Variants in SMC1A observed in about 807,000 individuals in gnomAD.
SMC1A encodes structural maintenance of chromosomes protein 1A.
In SMC1A, 4 loss-of-function variants were observed where a neutral mutation model predicts 94.5. The observed-to-expected ratio is 0.04, with a 90% CI of 0.02 to 0.10. The LOEUF (loss-of-function observed/expected upper bound fraction) is 0.10. Ranked by LOEUF, SMC1A falls within the 10% of genes least tolerant of loss-of-function variation. The pLI, the probability that SMC1A is intolerant of heterozygous loss-of-function variation, is 1.00. For synonymous variants in SMC1A, 345 were observed against 347.7 expected, an observed-to-expected ratio of 0.99 and a Z score of 0.09; for missense variants, 304 against 989.0, an observed-to-expected ratio of 0.31 and a Z score of 9.29.
Position 53,382,593 on chromosome X carries a change from G to A in SMC1A, c.3198C>T (p.Arg1066=). 1.7e-6 allele frequency: 2 copies of A among 1,211,622 alleles called. No homozygotes were observed. The highest frequency in any genetic ancestry group is 1.8e-5 in the South Asian group (1 of 56,954). Residue 1066 remains arginine (R), a synonymous_variant, in exon 21 of 25, where the codon CGC becomes CGT. Transcript: ENST00000322213. ...CAAAACAAGCATTGAAGCGGTCAAA[G>A]CGCTCCTTCTTGATCTGTTCGAATG... ...KQAFEQIKKE[R]FDRFNACFES... is the part of the protein sequence containing the mutation.
In SMC1A at chrX:53,382,365, T is replaced by C. The variant is rs782713427; in HGVS notation, c.3304A>G (p.Asn1102Asp). ...CCATCCAAGTAGGGCTCTTCAGGGT[T>C]CTCAGGGCCCAGGAATGCCTAGGGG... ...SSAQAFLGPENPEEPYLDGIN... is the reference protein window; with the variant it reads ...SSAQAFLGPEDPEEPYLDGIN... The change falls in exon 22 of 25, where the codon AAC becomes GAC. Residue 1102 changes from asparagine to aspartate, a missense_variant. Asn to Asp is a conservative substitution (Grantham distance 23). Coordinates refer to ENST00000322213, the MANE Select transcript of SMC1A (RefSeq NM_006306.4). 1 of 1,208,522 alleles carries C rather than the reference T, an allele frequency of 8.3e-7. No homozygotes were observed. The highest frequency in any genetic ancestry group is 1.1e-6 in the Non-Finnish European group (1 of 893,863).
chrX:53,409,568 G>A (rs1353561074), intron 7 of SMC1A, 65 bp from the exon 8 acceptor site: 1 of 888,681 alleles, frequency 1.1e-6, no homozygotes, highest in Non-Finnish European at 1.7e-6. Context: ...GGGGGCTCTA[G>A]ATCACACCCT....
At position 53,378,398 on chromosome X, in the gene SMC1A, A is replaced by G; in HGVS notation, c.*1705T>C. 8.9e-6 allele frequency: 1 copy of G among 112,933 alleles called. No homozygotes were observed. Among genetic ancestry groups the G allele is most frequent in the Non-Finnish European group, 1.9e-5 (1 of 53,420 alleles). The allele number at this position is 112,933 out of a possible 1,213,427, so 9.3% of individuals were successfully genotyped here. On this transcript the variant is annotated 3_prime_UTR_variant, in exon 25 of 25. Transcript: ENST00000322213. Reference sequence around the variant, plus strand: ...GCAATTACAGAAGATGGATTGAGCTACATTAAGTAACATGCACAGATCTCA... The same window carrying G: ...GCAATTACAGAAGATGGATTGAGCTGCATTAAGTAACATGCACAGATCTCA...
Position 53,388,937 on chromosome X carries a change from C to T in SMC1A, c.2974-5684G>A, listed in dbSNP as rs781985841. On this transcript the variant is annotated intron_variant, in intron 19 of 24. Coordinates refer to ENST00000322213, the MANE Select transcript of SMC1A (RefSeq NM_006306.4). ...GCATGAACCTGGGGGGCGGAGGTTG[C>T]AGTGAGCCAAGATCGCGCCACTGCA... Among the ~76,000 whole-genome samples, 328 of 97,480 alleles carry T rather than the reference C, an allele frequency of 3.4e-3. 1 individual carries two copies. Among genetic ancestry groups the T allele is most frequent in the African/African-American group, 0.012 (314 of 25,796 alleles). The allele number at this position is 97,480 out of a possible 115,157, so 84.6% of individuals were successfully genotyped here. A position where few individuals can be genotyped will look rare whatever the true frequency, so the allele number is the denominator to read the frequency against.
intron 7 of SMC1A, among the ~76,000 whole-genome samples, chrX:53,410,027 T>C (rs2075705154): frequency 8.9e-6 from 1 of 112,123 alleles, no homozygotes; most frequent in African/African-American, 3.2e-5. Flanking sequence ...CTTTTAAATA[T>C]TTAAAAGTGC....
chrX:53,416,930 G>C (rs1204107370), intron 1 of SMC1A, among the ~76,000 whole-genome samples: 1 of 110,389 alleles, frequency 9.1e-6, no homozygotes, highest in Non-Finnish European at 1.9e-5. Context: ...TATTTAACCT[G>C]AATCTATTTT....
intron 3 of SMC1A, 151 bp from the exon 4 acceptor site, chrX:53,413,586 T>C (rs1753813015): frequency 1.8e-6 from 1 of 542,826 alleles, no homozygotes. Context: ...GACAAATTCC[T>C]TGCCCTCTGA....
chrX:53,404,258 C>T (rs1244917578), intron 13 of SMC1A, among the ~76,000 whole-genome samples: 1 of 110,525 alleles, frequency 9.0e-6, no homozygotes, highest in South Asian at 3.8e-4. Context: ...ACCTCTAGGG[C>T]GGTCTGGGGA....
rs1569355048 is a variant in SMC1A, at chrX:53,396,351, G to A, written c.2738C>T (p.Thr913Ile). 1 of 1,209,531 alleles carries A rather than the reference G, an allele frequency of 8.3e-7. No homozygotes were observed. Among genetic ancestry groups the A allele is most frequent in the African/African-American group, 1.8e-5 (1 of 57,049 alleles). The change falls in exon 18 of 25, where the codon ACA becomes ATA. Residue 913 changes from threonine (T) to isoleucine (I), a missense_variant. By Grantham distance (89) the Thr-to-Ile change is moderately conservative (BLOSUM62 -1). Around this residue, in one of 11 missense-constraint regions of SMC1A, gnomAD observed 35 missense variants for 95.4 expected, o/e 0.37. Transcript: ENST00000322213. ...CTGTTCAAGCTTGGTCTCAATGGCT[G>A]TCACCTCCTTCTGTAAATGGGTCAT... ...KEMTHLQKEVTAIETKLEQKR... is the reference protein window; with the variant it reads ...KEMTHLQKEVIAIETKLEQKR...
In SMC1A at chrX:53,413,047, T is replaced by C; in HGVS notation, c.707A>G (p.Glu236Gly). The C allele has an allele frequency of 2.5e-6, 3 of 1,211,865 alleles. No homozygotes were observed. The highest frequency in any genetic ancestry group is 3.4e-6 in the Non-Finnish European group (3 of 895,517). ...TGAGGCCAGTTCCTTGTTGAGCTTC[T>C]CAATTTCCACTTCATTATGGTAAAG... ...FKLYHNEVEI[E>G]KLNKELASKN... The change falls in exon 5 of 25, where the codon GAG (glutamate) becomes GGG (glycine). Residue 236 changes from glutamate (E) to glycine (G), a missense_variant. Coordinates refer to ENST00000322213, the MANE Select transcript of SMC1A (RefSeq NM_006306.4).
At chrX:53,411,967 C>T (rs782037800) in intron 6 of SMC1A, 28 bp downstream of exon 6, 1 of 1,211,200 alleles carries the variant, frequency 8.3e-7, no homozygotes. Flanking sequence ...CAGGGATCTC[C>T]TCCCTGCCAA....
intron 19 of SMC1A, among the ~76,000 whole-genome samples, chrX:53,386,944 T>C (rs782328928): frequency 6.2e-5 from 7 of 112,182 alleles, no homozygotes; most frequent in Admixed American, 1.9e-4. Context: ...AAAAAGAATC[T>C]CAGAAAATCT....
rs1287375497 is a variant in SMC1A, at chrX:53,413,236, T to A, written c.611A>T (p.Glu204Val). ...AERKEAKQEK[E>V]EADRYQRLKD... is the part of the protein sequence containing the mutation. ...AGAGGTAGCTTGGCCACCTACCTCTTCTTTCTCCTGCTTTGCTTCCTTGCG... is the reference window on the plus strand; with the variant it reads ...AGAGGTAGCTTGGCCACCTACCTCTACTTTCTCCTGCTTTGCTTCCTTGCG... The change falls in exon 4 of 25, where the codon GAA becomes GTA. Residue 204 changes from glutamate (E) to valine (V), a missense_variant. Coordinates refer to ENST00000322213, the MANE Select transcript of SMC1A (RefSeq NM_006306.4). 8.3e-7 allele frequency: 1 copy of A among 1,209,723 alleles called. No individual in the cohort carries two copies.
At position 53,378,552 on chromosome X, in the gene SMC1A, CAACA is replaced by C. The variant is rs2075569196; in HGVS notation, c.*1547_*1550del. 1 of 112,392 alleles carries C rather than the reference CAACA, an allele frequency of 8.9e-6. No individual in the cohort carries two copies. Among genetic ancestry groups the C allele is most frequent in the Non-Finnish European group, 1.9e-5 (1 of 53,284 alleles). 9.3% of individuals were successfully genotyped at this position (112,392 alleles called of 1,213,427 possible). On this transcript the variant is annotated 3_prime_UTR_variant, in exon 25 of 25. Coordinates refer to ENST00000322213, the MANE Select transcript of SMC1A (RefSeq NM_006306.4). ...TTAAAACAAAGTCTAAACGGAAGTA[CAACA>C]AACAACAGCCACTAAGAAGGGAAGG...
At chrX:53,401,474 G>C (rs1377305518) in intron 15 of SMC1A, among the ~76,000 whole-genome samples, 1 of 111,238 alleles carries the variant, frequency 9.0e-6, no homozygotes, top group Non-Finnish European at 1.9e-5. Flanking sequence ...CTTTTTTCTG[G>C]TCAATACCAG....
chrX:53,403,964 GC>G, intron 13 of SMC1A, 71 bp from the exon 14 acceptor site: 1 of 738,456 alleles, frequency 1.4e-6, no homozygotes. Context: ...GACTGCATTG[GC>G]CCCACAGTCA....
Position 53,408,924 on chromosome X carries a change from C to A in SMC1A, c.1545+138G>T, listed in dbSNP as rs1157981400. 3 of 525,719 alleles carry A rather than the reference C, an allele frequency of 5.7e-6. No homozygotes were observed. In the African/African-American group the frequency reaches 7.2e-5, roughly 13 times the overall value. 43.3% of individuals were successfully genotyped at this position (525,719 alleles called of 1,213,427 possible). Reference sequence around the variant, plus strand: ...GCAGTTCTTCCTCTTAGAAGCGGTGCTTTTTTAAACCTCTCCGAGCCTCAT... The same window carrying A: ...GCAGTTCTTCCTCTTAGAAGCGGTGATTTTTTAAACCTCTCCGAGCCTCAT... On this transcript the variant is annotated intron_variant, in intron 9 of 24. Transcript: ENST00000322213.
At chrX:53,420,478 C>T (rs931621884) in intron 1 of SMC1A, among the ~76,000 whole-genome samples, 1 of 104,563 alleles carries the variant, frequency 9.6e-6, no homozygotes, top group Non-Finnish European at 1.9e-5. Context: ...GAGCCAACAT[C>T]ATGCCACTGC....
chrX:53,416,680 A>T, intron 1 of SMC1A, among the ~76,000 whole-genome samples: 1 of 110,553 alleles, frequency 9.0e-6, no homozygotes. Flanking sequence ...ATGAGCCACC[A>T]CGCCTGGCCT....
Sources: gnomAD v4.1 joint callset for allele counts (sites outside exome capture counted in the v4.1 genomes callset) on GRCh38, gnomAD v4.1.1 for gene constraint, gnomAD v4.1.1 regional missense constraint, MANE v1.5 for transcripts, NCBI Gene and HGNC (gene_info 2026-07-23, HGNC 2026-07-21) for gene names.